ARK2N: variants seen among roughly 807,000 people sequenced by gnomAD.
ARK2N encodes the protein protein ARK2N.
chr18:46,209,657 G>A, the ARK2N span, among the ~76,000 whole-genome samples: 19 of 152,088 alleles, frequency 1.2e-4, no homozygotes, highest in African/African-American at 2.9e-4. Flanking sequence ...GTGCAGTGGC[G>A]TGGTCTTGGC....
At chr18:46,179,725 A>G in the ARK2N span, among the ~76,000 whole-genome samples, 1 of 151,238 alleles carries the variant, frequency 6.6e-6, no homozygotes, top group African/African-American at 2.4e-5. Context: ...TCCTGGGTTC[A>G]AGCGATTCTC....
the ARK2N span, chr18:46,240,124 G>C: frequency 6.2e-7 from 1 of 1,614,180 alleles, no homozygotes; most frequent in South Asian, 1.1e-5. Context: ...TTCTGTAGGC[G>C]GCCAGGACAC....
chr18:46,250,799 T>C, the ARK2N span, among the ~76,000 whole-genome samples: 2 of 152,174 alleles, frequency 1.3e-5, no homozygotes, highest in Non-Finnish European at 2.9e-5. Flanking sequence ...TTGTTTCTTA[T>C]TACTCTTTTG....
chr18:46,181,133 G>A, the ARK2N span, among the ~76,000 whole-genome samples: 24 of 152,164 alleles, frequency 1.6e-4, no homozygotes, highest in South Asian at 4.6e-3. Flanking sequence ...GGTGGTGCAC[G>A]CCTGTAATCC....
At chr18:46,176,455 T>G in the ARK2N span, among the ~76,000 whole-genome samples, 1 of 150,694 alleles carries the variant, frequency 6.6e-6, no homozygotes, top group Non-Finnish European at 1.5e-5. Flanking sequence ...TGTGTGTGTG[T>G]GCTTTTTTTT....
chr18:46,185,249 AGAGGGCT>A, the ARK2N span, among the ~76,000 whole-genome samples: 1 of 152,228 alleles, frequency 6.6e-6, no homozygotes, highest in Admixed American at 6.5e-5. Flanking sequence ...GATGCAACAT[AGAGGGCT>A]GAGGGAGTAA....
chr18:46,227,218 G>T, the ARK2N span, among the ~76,000 whole-genome samples: 1 of 152,126 alleles, frequency 6.6e-6, no homozygotes, highest in South Asian at 2.1e-4. Flanking sequence ...ACGTAATTCT[G>T]CATGTGTTTT....
At chr18:46,253,763 A>C in the ARK2N span, 1 of 1,613,692 alleles carries the variant, frequency 6.2e-7, no homozygotes, top group Non-Finnish European at 8.5e-7. Context: ...CTCAATGAAG[A>C]AATTAACATT....
chr18:46,181,105 C>T, the ARK2N span, among the ~76,000 whole-genome samples: 1,168 of 151,678 alleles, frequency 7.7e-3, 9 homozygotes, highest in African/African-American at 0.027. Flanking sequence ...ACTAAAAATA[C>T]AAAAATCAGA....
the ARK2N span, among the ~76,000 whole-genome samples, chr18:46,189,212 C>CAAAAAAAAAAAAAA: frequency 1.2e-5 from 1 of 86,906 alleles, no homozygotes; most frequent in African/African-American, 4.8e-5. Context: ...GAGACTGTCT[C>CAAAAAAAAAAAAAA]AAAAAAAAAA....
the ARK2N span, among the ~76,000 whole-genome samples, chr18:46,211,264 A>C: frequency 6.6e-6 from 1 of 152,050 alleles, no homozygotes; most frequent in African/African-American, 2.4e-5. Context: ...CCTGGAACGT[A>C]CTGTTGCAAA....
the ARK2N span, among the ~76,000 whole-genome samples, chr18:46,222,505 T>C: frequency 6.6e-6 from 1 of 152,352 alleles, no homozygotes; most frequent in African/African-American, 2.4e-5. Context: ...GAAGTCTTAC[T>C]GGTGGGTATC....
the ARK2N span, among the ~76,000 whole-genome samples, chr18:46,198,310 C>CAAAAAAAAAAAAAA: frequency 2.9e-5 from 2 of 69,116 alleles, no homozygotes; most frequent in African/African-American, 5.6e-5. Flanking sequence ...ACTCCATCTC[C>CAAAAAAAAAAAAAA]AAAAAAAAAA....
At chr18:46,235,753 G>A in the ARK2N span, among the ~76,000 whole-genome samples, 1 of 152,190 alleles carries the variant, frequency 6.6e-6, no homozygotes, top group South Asian at 2.1e-4. Flanking sequence ...TGTAAAATGA[G>A]AGTAGTGTTT....
At chr18:46,223,164 A>G in the ARK2N span, among the ~76,000 whole-genome samples, 2 of 152,192 alleles carry the variant, frequency 1.3e-5, no homozygotes, top group African/African-American at 2.4e-5. Context: ...TTCCTGTCCT[A>G]TGCTTAAGTT....
chr18:46,251,511 A>T, the ARK2N span, among the ~76,000 whole-genome samples: 1 of 152,242 alleles, frequency 6.6e-6, no homozygotes, highest in Non-Finnish European at 1.5e-5. Context: ...TCACTGGTTT[A>T]TCTAGGAGCC....
At chr18:46,239,086 G>A in the ARK2N span, among the ~76,000 whole-genome samples, 1 of 151,984 alleles carries the variant, frequency 6.6e-6, no homozygotes, top group Admixed American at 6.5e-5. Flanking sequence ...TGCTGTTAAC[G>A]TTTTTCTTAA....
the ARK2N span, chr18:46,263,150 C>T: frequency 3.9e-6 from 6 of 1,544,180 alleles, no homozygotes; most frequent in Admixed American, 3.8e-5. Context: ...CTGCACTGTT[C>T]CCTTCCACTT....
the ARK2N span, among the ~76,000 whole-genome samples, chr18:46,221,739 C>T: frequency 6.6e-6 from 1 of 151,828 alleles, no homozygotes; most frequent in African/African-American, 2.4e-5. Flanking sequence ...GGTTTAATTG[C>T]TTGGCAAATT....
Sources: gnomAD v4.1 joint callset for allele counts (sites outside exome capture counted in the v4.1 genomes callset) on GRCh38, gnomAD v4.1.1 for gene constraint, MANE v1.5 for transcripts, NCBI Gene and HGNC (gene_info 2026-07-23, HGNC 2026-07-21) for gene names.